The following DAB1 variants were observed in gnomAD, a reference collection of about 807,000 sequenced individuals.
DAB1 encodes DAB adaptor protein 1.
A neutral mutation model predicts 64.6 loss-of-function variants in DAB1; 15 were observed. The ratio of observed to expected loss-of-function variants is 0.23; its 90% CI spans 0.16 to 0.36. DAB1 has a LOEUF of 0.36. Among genes scored for constraint, DAB1 ranks in the 10% least tolerant of loss-of-function variants. The pLI is 1.00. For missense variants in DAB1, 596 were observed against 706.7 expected (o/e 0.84, Z 1.78); for synonymous variants, 235 against 251.9 (o/e 0.93, Z 0.64).
intron 7 of DAB1, among the ~76,000 whole-genome samples, chr1:57,591,908 T>C (rs1484274630): frequency 6.6e-6 from 1 of 152,196 alleles, no homozygotes; most frequent in Non-Finnish European, 1.5e-5. Context: ...GGAAGAAAAC[T>C]AATAAGTTAT....
chr1:57,527,075 C>T (rs1301571400), intron 7 of DAB1, among the ~76,000 whole-genome samples: 1 of 152,156 alleles, frequency 6.6e-6, no homozygotes, highest in African/African-American at 2.4e-5. Flanking sequence ...GTGTTCCAAT[C>T]CAGTGCTCTT....
At chr1:58,536,200 G>A (rs942519066) in intron 1 of DAB1, among the ~76,000 whole-genome samples, 1 of 152,160 alleles carries the variant, frequency 6.6e-6, no homozygotes, top group African/African-American at 2.4e-5. Flanking sequence ...CAGTCGGTAT[G>A]AAGGATACCT....
rs138520564 is a variant in DAB1 at position 57,591,265 on chromosome 1, C to T, written n.625+58327G>A. On this transcript the variant is annotated intron_variant and non_coding_transcript_variant, in intron 7 of 20. Transcript: ENST00000485760. ...CTCTCTGATGCTCAGTCTCCATTAT[C>T]TGAATAATGAGGAAAACAATACCTT... Among the ~76,000 whole-genome samples the T allele has an allele frequency of 2.1e-3, 315 of 152,280 alleles. 1 individual carries two copies. The highest frequency in any genetic ancestry group is 3.5e-3 in the Admixed American group (54 of 15,296).
At chr1:58,519,836 A>G (rs1278456774) in intron 2 of DAB1, among the ~76,000 whole-genome samples, 2 of 152,244 alleles carry the variant, frequency 1.3e-5, no homozygotes, top group Non-Finnish European at 2.9e-5. Context: ...AAATTTATAA[A>G]AGAGCATCAA....
intron 4 of DAB1, among the ~76,000 whole-genome samples, chr1:58,303,734 G>C (rs1268388461): frequency 1.3e-5 from 2 of 152,200 alleles, no homozygotes; most frequent in African/African-American, 4.8e-5. Context: ...GTCTGAGCAA[G>C]AGATTACAGA....
intron 1 of DAB1, among the ~76,000 whole-genome samples, chr1:57,393,102 T>C (rs1682521457): frequency 6.6e-6 from 1 of 152,182 alleles, no homozygotes; most frequent in Non-Finnish European, 1.5e-5. Flanking sequence ...TATGTATACA[T>C]TGTGGAATGG....
intron 1 of DAB1, among the ~76,000 whole-genome samples, chr1:58,536,083 G>C (rs986648465): frequency 6.6e-6 from 1 of 152,206 alleles, no homozygotes; most frequent in African/African-American, 2.4e-5. Context: ...TTACTCTCAT[G>C]AGTGCTTTGA....
chr1:57,874,182 T>C (rs1210687154), intron 1 of DAB1: 3 of 152,170 alleles, frequency 2.0e-5, no homozygotes, highest in Non-Finnish European at 2.9e-5. Context: ...CTGTGAACAG[T>C]ACCTGGGGAA....
chr1:57,961,006 T>C (rs974029887), intron 5 of DAB1, among the ~76,000 whole-genome samples: 1 of 152,258 alleles, frequency 6.6e-6, no homozygotes, highest in African/African-American at 2.4e-5. Flanking sequence ...ACTGGCACCA[T>C]GGCTAGTAGC....
At chr1:57,703,221 C>A (rs1289712630) in intron 6 of DAB1, among the ~76,000 whole-genome samples, 1 of 152,004 alleles carries the variant, frequency 6.6e-6, no homozygotes, top group Non-Finnish European at 1.5e-5. Context: ...TTCTACATAG[C>A]AAAATAAACT....
chr1:58,283,652 C>T (rs1661616975), intron 4 of DAB1, among the ~76,000 whole-genome samples: 1 of 152,178 alleles, frequency 6.6e-6, no homozygotes, highest in African/African-American at 2.4e-5. Context: ...TAAAACATGA[C>T]TAATAACATT....
At chr1:57,194,391 G>A (rs949511718) in intron 2 of DAB1, among the ~76,000 whole-genome samples, 1 of 152,182 alleles carries the variant, frequency 6.6e-6, no homozygotes, top group Non-Finnish European at 1.5e-5. Context: ...CCCTTGGCAC[G>A]TGGTAAGCAC....
At chr1:57,717,290 C>A (rs1647095774) in intron 6 of DAB1, among the ~76,000 whole-genome samples, 1 of 150,686 alleles carries the variant, frequency 6.6e-6, no homozygotes, top group Non-Finnish European at 1.5e-5. Context: ...AGAAAGAAGA[C>A]ATACAAATGC....
intron 1 of DAB1, among the ~76,000 whole-genome samples, chr1:57,370,439 A>C (rs942233450): frequency 6.6e-6 from 1 of 152,218 alleles, no homozygotes; most frequent in Non-Finnish European, 1.5e-5. Flanking sequence ...ATAAAGTGAA[A>C]TAAAAGAGTT....
At chr1:57,912,173 T>C (rs1644655147) in intron 5 of DAB1, among the ~76,000 whole-genome samples, 1 of 152,242 alleles carries the variant, frequency 6.6e-6, no homozygotes, top group Admixed American at 6.5e-5. Flanking sequence ...GTATGTCACG[T>C]ACTCACAGAG....
intron 2 of DAB1, among the ~76,000 whole-genome samples, chr1:57,188,901 T>A (rs1169303424): frequency 6.6e-6 from 1 of 152,188 alleles, no homozygotes; most frequent in African/African-American, 2.4e-5. Context: ...TCTCACTTAA[T>A]CTTTATAATG....
intron 1 of DAB1, among the ~76,000 whole-genome samples, chr1:57,301,866 G>A (rs951799368): frequency 1.3e-5 from 2 of 152,150 alleles, no homozygotes; most frequent in African/African-American, 4.8e-5. Context: ...TCCCCTGTAA[G>A]AGCCTTGCCC....
At chr1:57,846,925 G>C (rs1227172085) in intron 1 of DAB1, among the ~76,000 whole-genome samples, 1 of 152,196 alleles carries the variant, frequency 6.6e-6, no homozygotes, top group Non-Finnish European at 1.5e-5. Context: ...GCCTACTTAA[G>C]AATCTGTCTG....
intron 5 of DAB1, among the ~76,000 whole-genome samples, chr1:57,973,602 A>G (rs1645850126): frequency 6.6e-6 from 1 of 151,770 alleles, no homozygotes; most frequent in South Asian, 2.1e-4. Context: ...TACACATCCT[A>G]AAACCTGGCA....
Sources: gnomAD v4.1 joint callset for allele counts (sites outside exome capture counted in the v4.1 genomes callset) on GRCh38, gnomAD v4.1.1 for gene constraint, MANE v1.5 for transcripts, NCBI Gene and HGNC (gene_info 2026-07-23, HGNC 2026-07-21) for gene names.